AZIN2: variants seen among roughly 807,000 people sequenced by gnomAD.
AZIN2 encodes the protein antizyme inhibitor 2.
AZIN2 carries 28 observed loss-of-function variants against 47.8 expected under a neutral mutation model. The ratio of observed to expected loss-of-function variants is 0.59; its 90% CI spans 0.43 to 0.80. The LOEUF (loss-of-function observed/expected upper bound fraction) is 0.80. Ranked by LOEUF, AZIN2 falls within the 30% of genes least tolerant of loss-of-function variation. The pLI is 0.00. For missense variants in AZIN2, 535 were observed against 582.5 expected (o/e 0.92, Z 0.84); for synonymous variants, 221 against 239.4 (o/e 0.92, Z 0.71).
At chr1:33,097,599 G>T (rs1478630395) in intron 9 of AZIN2, among the ~76,000 whole-genome samples, 1 of 152,218 alleles carries the variant, frequency 6.6e-6, no homozygotes, top group African/African-American at 2.4e-5. Context: ...TTCATGTGAA[G>T]GGTGGTGGGC....
chr1:33,136,298 CTTTT>C, the AZIN2 span, among the ~76,000 whole-genome samples: 7 of 135,728 alleles, frequency 5.2e-5, no homozygotes, highest in African/African-American at 1.8e-4. Context: ...TCCTTTCTTT[CTTTT>C]TCTTTCTTTC....
the AZIN2 span, among the ~76,000 whole-genome samples, chr1:33,129,433 C>T: frequency 6.6e-6 from 1 of 152,186 alleles, no homozygotes; most frequent in African/African-American, 2.4e-5. The surrounding 1 kb of genome is among the most constrained non-coding windows in gnomAD (Gnocchi z 4.1). Flanking sequence ...TCTTTGGGTC[C>T]TGTGGTTCAT....
intron 10 of AZIN2, among the ~76,000 whole-genome samples, chr1:33,102,416 C>G (rs779499388): frequency 6.6e-6 from 1 of 152,182 alleles, no homozygotes; most frequent in Admixed American, 6.5e-5. Flanking sequence ...CTTCCAACCT[C>G]TCCAGTCAGG....
intron 7 of AZIN2, among the ~76,000 whole-genome samples, chr1:33,094,082 TAATGAAC>T (rs1642879763): frequency 6.6e-6 from 1 of 152,198 alleles, no homozygotes; most frequent in Admixed American, 6.5e-5. Flanking sequence ...ATGAACTACC[TAATGAAC>T]AATGAACTAC....
chr1:33,165,387 G>A, the AZIN2 span: 1 of 1,117,334 alleles, frequency 8.9e-7, no homozygotes, highest in South Asian at 1.5e-5. This position sits in a 1 kb window ranked among gnomAD's most constrained non-coding sequence, Gnocchi z 4.0. Flanking sequence ...CCGAGGCCCC[G>A]CCCCTCTTCC....
At chr1:33,152,122 CAGAAG>C in the AZIN2 span, among the ~76,000 whole-genome samples, 1 of 152,208 alleles carries the variant, frequency 6.6e-6, no homozygotes, top group Non-Finnish European at 1.5e-5. Flanking sequence ...AGCCATTTTT[CAGAAG>C]AGGAGACTGA....
intron 10 of AZIN2, among the ~76,000 whole-genome samples, chr1:33,100,320 CAA>C (rs58751120): frequency 2.1e-4 from 16 of 76,030 alleles, no homozygotes; most frequent in Non-Finnish European, 1.7e-4. Context: ...GACTCTGTCT[CAA>C]AAAAAAAAAA....
chr1:33,127,021 A>T (rs113716157), downstream of AZIN2, among the ~76,000 whole-genome samples: 74 of 152,290 alleles, frequency 4.9e-4, no homozygotes, highest in African/African-American at 1.7e-3. Flanking sequence ...GAATGGGCAC[A>T]GTTCTGTGAG....
the AZIN2 span, among the ~76,000 whole-genome samples, chr1:33,138,610 TCAA>T: frequency 1.4e-3 from 175 of 127,118 alleles, no homozygotes; most frequent in Non-Finnish European, 2.0e-3. Flanking sequence ...AGATCCTGTC[TCAA>T]CAACAACAAC....
chr1:33,142,809 T>C, the AZIN2 span: 1 of 152,214 alleles, frequency 6.6e-6, no homozygotes, highest in Non-Finnish European at 1.5e-5. Flanking sequence ...CATCTGGCTT[T>C]AGCTTTGGAT....
Position 33,120,408 on chromosome 1 carries a change from C to T in AZIN2, c.*226C>T, listed in dbSNP as rs1045014208. The T allele has an allele frequency of 4.8e-6, 3 of 619,624 alleles. No individual in the cohort carries two copies. The East Asian group carries it at 9.4e-5, about 19-fold the overall frequency. 38.4% of individuals were successfully genotyped at this position (619,624 alleles called of 1,614,324 possible). The stretch of plus-strand genomic sequence containing the variant: ...CTGTTCCTTCCAGCTGTGTCTGCCT[C>T]CTCTGCAGTGCAAGGGGCCTGGTCA... On this transcript the variant is annotated 3_prime_UTR_variant, in exon 12 of 12. Transcript: ENST00000294517.
the AZIN2 span, chr1:33,158,150 T>C: frequency 9.7e-7 from 1 of 1,033,796 alleles, no homozygotes; most frequent in South Asian, 1.4e-5. Context: ...CAAGGCACTC[T>C]GCTCATTCAC....
the AZIN2 span, chr1:33,145,347 C>T: frequency 5.5e-3 from 854 of 155,694 alleles, 5 homozygotes; most frequent in Non-Finnish European, 9.4e-3. Flanking sequence ...TGTGCACTGC[C>T]TGGGACAGAG....
chr1:33,147,409 G>GCGCT, the AZIN2 span: 1 of 1,614,152 alleles, frequency 6.2e-7, no homozygotes. This position sits in a 1 kb window ranked among gnomAD's most constrained non-coding sequence, Gnocchi z 8.1. Flanking sequence ...CTCCGTGCAG[G>GCGCT]CGCTGTACTG....
At chr1:33,107,501 G>C (rs1156245742) in intron 10 of AZIN2, among the ~76,000 whole-genome samples, 1 of 151,976 alleles carries the variant, frequency 6.6e-6, no homozygotes, top group Non-Finnish European at 1.5e-5. Context: ...AATCATTTGA[G>C]CCTGGGAGGT....
the AZIN2 span, among the ~76,000 whole-genome samples, chr1:33,166,530 T>C: frequency 1.3e-5 from 2 of 152,066 alleles, no homozygotes; most frequent in East Asian, 3.9e-4. Context: ...CATTTGGGCC[T>C]CTCAGTAACC....
chr1:33,083,847 C>T, intron 4 of AZIN2, 107 bp from the exon 5 acceptor site: 1 of 1,361,428 alleles, frequency 7.3e-7, no homozygotes, highest in East Asian at 2.3e-5. Flanking sequence ...CAGGGTAGCT[C>T]TGTGGCCAGT....
At chr1:33,109,630 A>T (rs1480694716) in intron 10 of AZIN2, among the ~76,000 whole-genome samples, 3 of 151,928 alleles carry the variant, frequency 2.0e-5, no homozygotes, top group African/African-American at 7.3e-5. Context: ...CGCCTGGTGA[A>T]TATTGTCTTT....
rs1644750529 is a variant in AZIN2, at chr1:33,120,079, A to AGGAGGATGACGT, written c.1286_1297dup (p.Asp429_Glu432dup). The AGGAGGATGACGT allele has an allele frequency of 1.2e-6, 2 of 1,613,914 alleles. No homozygotes were observed. Among genetic ancestry groups the AGGAGGATGACGT allele is most frequent in the East Asian group, 4.5e-5 (2 of 44,884 alleles). ...CGAAGGCAGCTGATGGCTGCAGAAC[A>AGGAGGATGACGT]GGAGGATGACGTGGAGGGTGTGTGC... is the stretch of plus-strand genomic sequence containing the variant. On this transcript the variant is annotated inframe_insertion, in exon 12 of 12. Coordinates refer to ENST00000294517, the MANE Select transcript of AZIN2 (RefSeq NM_052998.4).
Sources: allele counts gnomAD v4.1 joint callset (sites outside exome capture counted in the v4.1 genomes callset), GRCh38; gene constraint gnomAD v4.1.1; non-coding constraint Gnocchi (gnomAD v3.1); transcripts MANE v1.5; gene names NCBI Gene and HGNC (gene_info 2026-07-23, HGNC 2026-07-21).